The following CTNNA2 variants were observed in gnomAD, a reference collection of about 807,000 sequenced individuals.
The protein encoded by CTNNA2 is catenin alpha 2, also known as catenin alpha-2.
A neutral mutation model predicts 101.0 loss-of-function variants in CTNNA2; 42 were observed. The observed-to-expected ratio is 0.42, with a 90% confidence interval of 0.32 to 0.54. CTNNA2 has a LOEUF of 0.54. Among genes scored for constraint, CTNNA2 ranks in the 20% least tolerant of loss-of-function variants. The pLI is 0.14. For missense variants in CTNNA2, 871 were observed against 1,223.1 expected (o/e 0.71, Z 4.29); for synonymous variants, 450 against 456.4 (o/e 0.99, Z 0.18).
intron 3 of CTNNA2, among the ~76,000 whole-genome samples, chr2:79,824,903 T>C (rs1678297301): frequency 6.6e-6 from 1 of 152,202 alleles, no homozygotes; most frequent in South Asian, 2.1e-4. Flanking sequence ...ATTAAATATA[T>C]TTTAGTGCCA....
intron 4 of CTNNA2, among the ~76,000 whole-genome samples, chr2:79,471,751 C>T (rs1035571189): frequency 2.6e-4 from 39 of 152,036 alleles, no homozygotes; most frequent in Admixed American, 2.3e-3. Context: ...GGCAGAAGAA[C>T]GGCCTGAACC....
chr2:80,520,079 C>T (rs988888705), intron 9 of CTNNA2, among the ~76,000 whole-genome samples: 1 of 152,118 alleles, frequency 6.6e-6, no homozygotes, highest in African/African-American at 2.4e-5. Flanking sequence ...CCCTGATTTC[C>T]TCATCCCTCC....
intron 7 of CTNNA2, among the ~76,000 whole-genome samples, chr2:80,390,841 A>G (rs1677438813): frequency 6.6e-6 from 1 of 152,076 alleles, no homozygotes; most frequent in African/African-American, 2.4e-5. Context: ...TTTTAAAAAT[A>G]TTACATTAGG....
intron 2 of CTNNA2, among the ~76,000 whole-genome samples, chr2:79,302,067 TG>T (rs1186305355): frequency 6.6e-6 from 1 of 152,080 alleles, no homozygotes; most frequent in Non-Finnish European, 1.5e-5. Flanking sequence ...CACTTCAGCC[TG>T]GGTGACAGAG....
intron 18 of CTNNA2, among the ~76,000 whole-genome samples, chr2:80,628,797 C>G (rs1671968039): frequency 6.6e-6 from 1 of 151,962 alleles, no homozygotes. Flanking sequence ...TAGAAGCTGC[C>G]AATGAAGGCT....
At chr2:79,762,632 C>A (rs1046317961) in intron 3 of CTNNA2, among the ~76,000 whole-genome samples, 7 of 152,090 alleles carry the variant, frequency 4.6e-5, no homozygotes, top group Admixed American at 4.6e-4. Flanking sequence ...TCAGGCAAGA[C>A]CTGGTCAAAA....
intron 7 of CTNNA2, among the ~76,000 whole-genome samples, chr2:80,324,256 C>T (rs1382887662): frequency 6.6e-6 from 1 of 152,118 alleles, no homozygotes; most frequent in South Asian, 2.1e-4. Context: ...TGAAGGGGGT[C>T]GACAAAGGGG....
At chr2:79,740,042 A>G (rs59892591) in intron 2 of CTNNA2, among the ~76,000 whole-genome samples, 1 of 152,320 alleles carries the variant, frequency 6.6e-6, no homozygotes, top group East Asian at 1.9e-4. Context: ...GTTCAGAGGT[A>G]CATGTGCAGG....
At chr2:79,746,710 CT>C (rs1558893246) in intron 3 of CTNNA2, among the ~76,000 whole-genome samples, 1 of 152,186 alleles carries the variant, frequency 6.6e-6, no homozygotes, top group Non-Finnish European at 1.5e-5. Context: ...TATGCTGCCT[CT>C]TTCACACATT....
chr2:80,642,559 A>G (rs1295347503), intron 18 of CTNNA2, among the ~76,000 whole-genome samples: 1 of 152,190 alleles, frequency 6.6e-6, no homozygotes, highest in African/African-American at 2.4e-5. Flanking sequence ...ATAAAAAGTC[A>G]GTGATAATTC....
chr2:79,481,661 G>T (rs1671111741), intron 4 of CTNNA2, among the ~76,000 whole-genome samples: 1 of 152,140 alleles, frequency 6.6e-6, no homozygotes, highest in Non-Finnish European at 1.5e-5. Context: ...TTATTACCTT[G>T]ATTGTGGCTA....
chr2:79,250,553 C>G (rs1292117297), intron 2 of CTNNA2, among the ~76,000 whole-genome samples: 1 of 152,162 alleles, frequency 6.6e-6, no homozygotes, highest in African/African-American at 2.4e-5. Context: ...CTCCCTTTAC[C>G]CTTGAGCGAG....
chr2:80,346,724 T>G (rs938660623), intron 7 of CTNNA2, among the ~76,000 whole-genome samples: 8 of 152,216 alleles, frequency 5.3e-5, no homozygotes, highest in African/African-American at 1.9e-4. Context: ...TTATCTAAAT[T>G]TCACAAACCT....
intron 2 of CTNNA2, among the ~76,000 whole-genome samples, chr2:79,245,218 A>G (rs1674684180): frequency 6.6e-6 from 1 of 152,220 alleles, no homozygotes; most frequent in Admixed American, 6.5e-5. Context: ...TAGGAGGCAG[A>G]GGCGGGCAGA....
intron 7 of CTNNA2, among the ~76,000 whole-genome samples, chr2:80,119,464 C>T (rs1342754436): frequency 6.6e-6 from 1 of 152,106 alleles, no homozygotes; most frequent in Non-Finnish European, 1.5e-5. Context: ...AAACCAATAT[C>T]TGTGTCTGTC....
intron 7 of CTNNA2, among the ~76,000 whole-genome samples, chr2:80,392,780 G>T (rs940055403): frequency 6.6e-6 from 1 of 152,106 alleles, no homozygotes; most frequent in Admixed American, 6.5e-5. Flanking sequence ...ATAAAATTCC[G>T]AATTCTGGTG....
At chr2:80,033,531 A>C (rs1306256754) in intron 7 of CTNNA2, among the ~76,000 whole-genome samples, 6 of 152,298 alleles carry the variant, frequency 3.9e-5, no homozygotes, top group South Asian at 2.1e-4. Flanking sequence ...GTGACCCGTG[A>C]TCAGGCCACT....
intron 13 of CTNNA2, 62 bp from the exon 14 acceptor site, chr2:80,581,644 T>A: frequency 9.8e-7 from 1 of 1,022,082 alleles, no homozygotes; most frequent in Non-Finnish European, 1.5e-6. Context: ...TGCAATGAAG[T>A]GTGTGGATGG....
chr2:80,312,271 C>T (rs1250329386), intron 7 of CTNNA2, among the ~76,000 whole-genome samples: 1 of 152,198 alleles, frequency 6.6e-6, no homozygotes, highest in Admixed American at 6.5e-5. Flanking sequence ...TGTGGTTCCC[C>T]TATTGGCTAG....
Sources: gnomAD v4.1 joint callset for allele counts (sites outside exome capture counted in the v4.1 genomes callset) on GRCh38, gnomAD v4.1.1 for gene constraint, MANE v1.5 for transcripts, NCBI Gene and HGNC (gene_info 2026-07-23, HGNC 2026-07-21) for gene names.